FBN1: variants seen among roughly 807,000 people sequenced by gnomAD.
FBN1 encodes fibrillin 1.
A neutral mutation model predicts 365.1 loss-of-function variants in FBN1; 29 were observed. The ratio of observed to expected loss-of-function variants is 0.08; its 90% confidence interval spans 0.06 to 0.11. The LOEUF is 0.11. FBN1 is among the 10% of genes least tolerant of loss of function. The pLI, the probability that FBN1 is intolerant of heterozygous loss-of-function variation, is 1.00. For synonymous variants in FBN1, 1,210 were observed against 1,270.5 expected, an observed-to-expected ratio of 0.95 and a Z score of 1.01; for missense variants, 2,476 against 3,703.2, an observed-to-expected ratio of 0.67 and a Z score of 8.60.
chr15:48,492,639 C>T, intron 23 of FBN1, 53 bp from the exon 24 acceptor site: 2 of 1,302,814 alleles, frequency 1.5e-6, no homozygotes, highest in Non-Finnish European at 2.2e-6. Context: ...TATCATTCTA[C>T]CTTATTCTAC....
chr15:48,588,964 T>C (rs2140700306), intron 6 of FBN1, among the ~76,000 whole-genome samples: 1 of 152,290 alleles, frequency 6.6e-6, no homozygotes, highest in Non-Finnish European at 1.5e-5. Context: ...GGACAATGGT[T>C]CCAATGAGCA....
chr15:48,437,621 G>A, intron 51 of FBN1, 147 bp downstream of exon 51: 1 of 967,322 alleles, frequency 1.0e-6, no homozygotes, highest in Non-Finnish European at 1.6e-6. Context: ...CCAAGCTCCT[G>A]AGATAAAATA....
At chr15:48,591,103 T>C (rs1291267623) in intron 6 of FBN1, among the ~76,000 whole-genome samples, 1 of 152,236 alleles carries the variant, frequency 6.6e-6, no homozygotes, top group Non-Finnish European at 1.5e-5. Flanking sequence ...CTGGCTCACA[T>C]AAAGTTTGAC....
At chr15:48,632,780 C>A (rs1157625154) in intron 2 of FBN1, among the ~76,000 whole-genome samples, 1 of 152,122 alleles carries the variant, frequency 6.6e-6, no homozygotes, top group Non-Finnish European at 1.5e-5. Context: ...TTTTTATGAC[C>A]AAACTGCCAA....
chr15:48,508,534 G>A (rs1597576996), intron 15 of FBN1, 48 bp downstream of exon 15: 2 of 1,612,492 alleles, frequency 1.2e-6, no homozygotes, highest in Non-Finnish European at 1.7e-6. Flanking sequence ...AACATAAGGA[G>A]GAGAAAAGGC....
rs1397684696 is a variant in FBN1, at chr15:48,459,955, C to T, written c.5296+291G>A. On this transcript the variant is annotated intron_variant, in intron 43 of 65. Coordinates refer to ENST00000316623, the MANE Select transcript of FBN1 (RefSeq NM_000138.5). The stretch of plus-strand genomic sequence containing the variant: ...AATCAAATGTCAACTGGCCCCACTC[C>T]CAGAATCTCTCCCCATGTTGATGCC... 2.0e-5 allele frequency among the ~76,000 whole-genome samples: 3 copies of T among 152,188 alleles called. 1 individual carries two copies. Among genetic ancestry groups the T allele is most frequent in the Non-Finnish European group, 4.4e-5 (3 of 68,036 alleles).
chr15:48,542,781 A>ATGTGTGTGTGTGTGTGTGTG (rs58728910), intron 6 of FBN1, among the ~76,000 whole-genome samples: 1 of 130,570 alleles, frequency 7.7e-6, no homozygotes, highest in East Asian at 2.6e-4. Context: ...GGACTCTAAG[A>ATGTGTGTGTGTGTGTGTGTG]TGTGTGTGTG....
At chr15:48,626,458 T>C (rs1219140572) in intron 2 of FBN1, among the ~76,000 whole-genome samples, 1 of 152,190 alleles carries the variant, frequency 6.6e-6, no homozygotes, top group African/African-American at 2.4e-5. Context: ...CTACAAAAGC[T>C]TCAGAGATCT....
chr15:48,449,543 G>C (rs2043184654), intron 45 of FBN1, among the ~76,000 whole-genome samples: 1 of 152,062 alleles, frequency 6.6e-6, no homozygotes, highest in Non-Finnish European at 1.5e-5. Flanking sequence ...CAGTCTTTAA[G>C]TTCTAAATTA....
At chr15:48,560,966 T>C (rs1316501145) in intron 6 of FBN1, among the ~76,000 whole-genome samples, 4 of 152,156 alleles carry the variant, frequency 2.6e-5, no homozygotes, top group African/African-American at 9.7e-5. Context: ...CCCAGAGTTG[T>C]TGTGAAAACT....
intron 45 of FBN1, among the ~76,000 whole-genome samples, chr15:48,450,585 G>T (rs1169430518): frequency 6.6e-6 from 1 of 152,122 alleles, no homozygotes; most frequent in Non-Finnish European, 1.5e-5. Flanking sequence ...GAAGTAGCTG[G>T]GAAGAAACTG....
chr15:48,573,890 T>C (rs1423715329), intron 6 of FBN1, among the ~76,000 whole-genome samples: 1 of 152,222 alleles, frequency 6.6e-6, no homozygotes, highest in East Asian at 1.9e-4. Flanking sequence ...AAGCCAGTGA[T>C]GGTCACTCCT....
In FBN1 at chr15:48,473,685, T is replaced by C. The variant is rs572178734; in HGVS notation, c.4210+570A>G. 5.3e-5 allele frequency among the ~76,000 whole-genome samples: 8 copies of C among 152,306 alleles called. No homozygotes were observed. The Middle Eastern group carries it at 0.01, about 194-fold the overall frequency. ...CGATAATGATGATGATGATGGCCTG[T>C]TGGAGAGAAATACATACTGTTCTTC... On this transcript the variant is annotated intron_variant, in intron 34 of 65. Transcript: ENST00000316623.
chr15:48,527,529 C>T (rs1023376451), intron 8 of FBN1, among the ~76,000 whole-genome samples: 2 of 152,186 alleles, frequency 1.3e-5, no homozygotes, highest in Admixed American at 6.5e-5. Flanking sequence ...AGGCTGACAC[C>T]GTTAAAACTG....
At chr15:48,546,232 G>A (rs1168194684) in intron 6 of FBN1, among the ~76,000 whole-genome samples, 1 of 152,134 alleles carries the variant, frequency 6.6e-6, no homozygotes, top group Non-Finnish European at 1.5e-5. Context: ...TGTGGAGGAG[G>A]TAGTGAATAA....
chr15:48,462,321 T>C (rs12324762), intron 42 of FBN1, among the ~76,000 whole-genome samples: 2,071 of 150,168 alleles, frequency 0.014, 35 homozygotes, highest in African/African-American at 0.041. Context: ...TACACTAATG[T>C]CTTTATTTAT....
chr15:48,411,372 G>T lies in FBN1; in HGVS notation c.8234C>A (p.Ser2745Tyr). 6.2e-7 allele frequency: 1 copy of T among 1,613,830 alleles called. No individual in the cohort carries two copies. Among genetic ancestry groups the T allele is most frequent in the East Asian group, 2.2e-5 (1 of 44,878 alleles). The change falls in exon 66 of 66, where the codon TCT (serine) becomes TAT (tyrosine). Residue 2745 changes from serine (S) to tyrosine (Y), a missense_variant. By Grantham distance (144) the Ser-to-Tyr change is moderately radical. Transcript: ENST00000316623. ...AAGACTCACATTGGCTTCTGTCTCA[G>T]ACTGATCCTGGAAAGACACATGGCA... The part of the protein sequence containing the change: ...ETDASNIEDQ[S>Y]ETEANVSLAS...
rs1344072326 is a variant in FBN1 at position 48,430,926 on chromosome 15, G to A, written c.6740-124C>T. 4 of 879,960 alleles carry A rather than the reference G, an allele frequency of 4.5e-6. No individual in the cohort carries two copies. The Admixed American group carries it at 6.0e-5, about 13-fold the overall frequency. The allele number at this position is 879,960 out of a possible 1,614,324, so 54.5% of individuals were successfully genotyped here. ...TTCATCTGTTATTTCACTACTGGCT[G>A]TATTTCCTTCTGCTCTGTTGAGTAT... On this transcript the variant is annotated intron_variant, in intron 55 of 65. Coordinates refer to ENST00000316623, the MANE Select transcript of FBN1 (RefSeq NM_000138.5).
Position 48,644,877 on chromosome 15 carries a change from C to G in FBN1, c.-108G>C. 8.9e-7 allele frequency: 1 copy of G among 1,125,544 alleles called. No individual in the cohort carries two copies. The allele number at this position is 1,125,544 out of a possible 1,614,324, so 69.7% of individuals were successfully genotyped here. On this transcript the variant is annotated 5_prime_UTR_variant, in exon 2 of 66. Coordinates refer to ENST00000316623, the MANE Select transcript of FBN1 (RefSeq NM_000138.5). ...CCGCGCCGCCGGGGTCCCGCTATCC[C>G]GCCGCCCGTCCCCCGGGCCGGGCTC...
Sources: allele counts gnomAD v4.1 joint callset (sites outside exome capture counted in the v4.1 genomes callset), GRCh38; gene constraint gnomAD v4.1.1; transcripts MANE v1.5; gene names NCBI Gene and HGNC (gene_info 2026-07-23, HGNC 2026-07-21).